The following FBXW7 variants were observed in gnomAD, a reference collection of about 807,000 sequenced individuals.
The protein encoded by FBXW7 is F-box/WD repeat-containing protein 7.
Under a neutral mutation model 86.3 loss-of-function variants are expected in FBXW7, and 11 were observed. The observed-to-expected ratio is 0.13, with a 90% CI of 0.08 to 0.21. The LOEUF is 0.21. Ranked by LOEUF, FBXW7 falls within the 10% of genes least tolerant of loss-of-function variation. The probability of loss-of-function intolerance (pLI) is 1.00; values close to 1 mark genes in which losing one functional copy is unlikely to be tolerated. For missense variants in FBXW7, 488 were observed against 847.4 expected (o/e 0.58, Z 5.27); for synonymous variants, 313 against 297.9 (o/e 1.05, Z -0.52).
chr4:152,461,802 C>CTCG (rs1742974370), intron 2 of FBXW7, among the ~76,000 whole-genome samples: 1 of 152,182 alleles, frequency 6.6e-6, no homozygotes, highest in South Asian at 2.1e-4. Flanking sequence ...TTCTAATGGG[C>CTCG]TCGTATGGAC....
intron 7 of FBXW7, among the ~76,000 whole-genome samples, chr4:152,335,633 A>G (rs1729999609): frequency 6.6e-6 from 1 of 152,246 alleles, no homozygotes; most frequent in African/African-American, 2.4e-5. Flanking sequence ...CGTATTTCAG[A>G]TAATTACCTT....
At chr4:152,527,901 C>CACACACACACACACATAT (rs71596295) in intron 2 of FBXW7, among the ~76,000 whole-genome samples, 1 of 149,188 alleles carries the variant, frequency 6.7e-6, no homozygotes, top group African/African-American at 2.5e-5. Flanking sequence ...CACACACACA[C>CACACACACACACACATAT]ATATATATAC....
chr4:152,495,814 C>G (rs1746285085), intron 2 of FBXW7, among the ~76,000 whole-genome samples: 3 of 152,116 alleles, frequency 2.0e-5, no homozygotes, highest in African/African-American at 7.2e-5. Context: ...TAGAAAGCAA[C>G]AAAAACCATC....
chr4:152,486,732 A>G (rs1745377312), intron 2 of FBXW7, among the ~76,000 whole-genome samples: 1 of 152,200 alleles, frequency 6.6e-6, no homozygotes, highest in Non-Finnish European at 1.5e-5. Context: ...TACATTCAAA[A>G]TAACAACAAA....
intron 2 of FBXW7, among the ~76,000 whole-genome samples, chr4:152,442,953 G>GA (rs1741039241): frequency 6.6e-6 from 1 of 152,158 alleles, no homozygotes; most frequent in Non-Finnish European, 1.5e-5. Flanking sequence ...GGTGAAGATT[G>GA]AAAGAAGTAA....
intron 4 of FBXW7, among the ~76,000 whole-genome samples, chr4:152,388,500 T>C (rs1454926243): frequency 6.6e-6 from 1 of 152,134 alleles, no homozygotes; most frequent in Non-Finnish European, 1.5e-5. Flanking sequence ...AACATCTCAA[T>C]GTTAGACATT....
chr4:152,391,177 G>A (rs1356926313), intron 4 of FBXW7, among the ~76,000 whole-genome samples: 1 of 151,980 alleles, frequency 6.6e-6, no homozygotes, highest in Non-Finnish European at 1.5e-5. Flanking sequence ...TTAACTGAAA[G>A]TACTTCAGCA....
At chr4:152,507,972 G>T (rs1455476319) in intron 2 of FBXW7, among the ~76,000 whole-genome samples, 1 of 151,966 alleles carries the variant, frequency 6.6e-6, no homozygotes, top group Non-Finnish European at 1.5e-5. Context: ...GGAGGCTAAG[G>T]CAGGGGGATC....
chr4:152,489,511 A>G (rs1745647417), intron 2 of FBXW7: 1 of 152,594 alleles, frequency 6.6e-6, no homozygotes, highest in South Asian at 2.1e-4. Flanking sequence ...AGCATTTTCT[A>G]AACTAACTGT....
intron 2 of FBXW7, among the ~76,000 whole-genome samples, chr4:152,524,737 C>A (rs895337188): frequency 3.3e-5 from 5 of 152,068 alleles, no homozygotes; most frequent in African/African-American, 1.2e-4. Flanking sequence ...TCTCTTCTCC[C>A]GCTCATTTAT....
At chr4:152,471,718 G>A (rs913097408) in intron 2 of FBXW7, among the ~76,000 whole-genome samples, 2 of 151,842 alleles carry the variant, frequency 1.3e-5, no homozygotes, top group African/African-American at 4.8e-5. Context: ...GGGCAACATA[G>A]TGAGATTCTG....
At position 152,533,301 on chromosome 4, in the gene FBXW7, T is replaced by G. The variant is rs1307918211; in HGVS notation, c.-120+1640A>C. Among the ~76,000 whole-genome samples the G allele has an allele frequency of 2.0e-5, 3 of 152,270 alleles. No homozygotes were observed. The East Asian group carries it at 5.8e-4, about 29-fold the overall frequency. ...CAACCTACATTCAAACTATAGTTTG[T>G]TTCTTAGTTTGTCCTCCCCTCCTTC... On this transcript the variant is annotated intron_variant, in intron 2 of 13. Coordinates refer to ENST00000281708, the MANE Select transcript of FBXW7 (RefSeq NM_001349798.2).
At position 152,328,293 on chromosome 4, in the gene FBXW7, CTT is replaced by C; in HGVS notation, c.1331_1332del (p.Lys444SerfsTer27). 6.2e-7 allele frequency: 1 copy of C among 1,600,746 alleles called. No individual in the cohort carries two copies. The highest frequency in any genetic ancestry group is 8.5e-7 in the Non-Finnish European group (1 of 1,174,444). On this transcript the variant is annotated frameshift_variant, in exon 11 of 14. Transcript: ENST00000281708. LOFTEE classifies it high-confidence loss of function. ...IISGSTDRTL[K>X]VWNAETGECI... is the part of the protein sequence containing the mutation. Reference sequence around the variant, plus strand: ...CATTCTCCAGTCTCTGCATTCCACACTTTGAGTGTCCGATCTGTAGATCCACT... The same window carrying C: ...CATTCTCCAGTCTCTGCATTCCACACTGAGTGTCCGATCTGTAGATCCACT...
At chr4:152,422,224 T>A (rs2126919586) in intron 2 of FBXW7, among the ~76,000 whole-genome samples, 1 of 152,340 alleles carries the variant, frequency 6.6e-6, no homozygotes, top group East Asian at 1.9e-4. Flanking sequence ...GAATTCTTTA[T>A]GAATTCAACT....
chr4:152,521,413 C>T (rs1238445713), intron 2 of FBXW7, among the ~76,000 whole-genome samples: 1 of 152,080 alleles, frequency 6.6e-6, no homozygotes, highest in Non-Finnish European at 1.5e-5. Flanking sequence ...AAAGAATATA[C>T]ATGTACACAC....
At chr4:152,350,835 G>A (rs996188303) in intron 4 of FBXW7, among the ~76,000 whole-genome samples, 4 of 151,758 alleles carry the variant, frequency 2.6e-5, no homozygotes, top group African/African-American at 9.7e-5. Flanking sequence ...ACAACAGAAA[G>A]GTTTTAAAAG....
At chr4:152,420,607 C>T (rs938717652) in intron 2 of FBXW7, among the ~76,000 whole-genome samples, 1 of 152,064 alleles carries the variant, frequency 6.6e-6, no homozygotes, top group South Asian at 2.1e-4. Context: ...CCTTGATCCA[C>T]GGGCTACACA....
rs1274590516 is a variant in FBXW7, at chr4:152,352,919, A to C, written c.502-2795T>G. The C allele has an allele frequency of 3.5e-6, 5 of 1,429,208 alleles. No individual in the cohort carries two copies. The East Asian group carries it at 1.0e-4, about 29-fold the overall frequency. 88.5% of individuals were successfully genotyped at this position (1,429,208 alleles called of 1,614,324 possible). On this transcript the variant is annotated intron_variant, in intron 4 of 13. Transcript: ENST00000281708. Reference sequence around the variant, plus strand: ...TCCAGGATTCAGCAATGCAGACTGCACATCAATTATATGGTGATCCGCTCC... The same window carrying C: ...TCCAGGATTCAGCAATGCAGACTGCCCATCAATTATATGGTGATCCGCTCC...
intron 2 of FBXW7, among the ~76,000 whole-genome samples, chr4:152,503,086 T>A (rs897003404): frequency 6.6e-6 from 1 of 152,148 alleles, no homozygotes; most frequent in Non-Finnish European, 1.5e-5. Context: ...TTATAGAAAT[T>A]TTGTTAGAAA....
Sources: allele counts gnomAD v4.1 joint callset (sites outside exome capture counted in the v4.1 genomes callset), GRCh38; gene constraint gnomAD v4.1.1; transcripts MANE v1.5; gene names NCBI Gene and HGNC (gene_info 2026-07-23, HGNC 2026-07-21).